PDZRN4: variants seen among roughly 807,000 people sequenced by gnomAD.
PDZRN4 encodes the protein PDZ domain-containing RING finger protein 4.
In PDZRN4, 70 loss-of-function variants were observed where a neutral mutation model predicts 99.0. The ratio of observed to expected loss-of-function variants is 0.71; its 90% CI spans 0.58 to 0.86. The LOEUF (loss-of-function observed/expected upper bound fraction) is 0.86. Among genes scored for constraint, PDZRN4 ranks in the 40% least tolerant of loss-of-function variants. The probability of loss-of-function intolerance (pLI) is 0.00; values close to 1 mark genes in which losing one functional copy is unlikely to be tolerated. For missense variants in PDZRN4, 1,474 were observed against 1,331.2 expected (o/e 1.11, Z -1.67); for synonymous variants, 551 against 501.6 (o/e 1.10, Z -1.32).
intron 3 of PDZRN4, among the ~76,000 whole-genome samples, chr12:41,338,169 A>T: frequency 6.6e-6 from 1 of 152,154 alleles, no homozygotes; most frequent in African/African-American, 2.4e-5. Flanking sequence ...TAAGTATGCG[A>T]CTATAGTATA....
At chr12:41,522,681 G>A (rs897907221) in intron 5 of PDZRN4, among the ~76,000 whole-genome samples, 1 of 152,112 alleles carries the variant, frequency 6.6e-6, no homozygotes, top group South Asian at 2.1e-4. Flanking sequence ...CAGATGTTGG[G>A]AAATTAGCTT....
chr12:41,470,982 A>T lies in PDZRN4; in HGVS notation c.844-35474A>T, dbSNP rs545909780. ...ATAAGGGAAAATGTACAATACAAAT[A>T]TGTAATAACACACATGAACACATAA... On this transcript the variant is annotated intron_variant, in intron 3 of 9. Transcript: ENST00000402685. 2.6e-5 allele frequency among the ~76,000 whole-genome samples: 4 copies of T among 152,330 alleles called. No homozygotes were observed. The South Asian group carries it at 8.3e-4, about 32-fold the overall frequency.
Position 41,188,665 on chromosome 12 carries a change from G to A in PDZRN4, c.210G>A (p.Leu70=). The change falls in exon 1 of 10, where the codon CTG becomes CTA. Residue 70 remains leucine, a synonymous_variant. Transcript: ENST00000402685. ...APGELYRVLP[L]RSLIQKLRVQ... ...GCGAGCTGTACCGGGTGCTGCCGCTGCGCAGCCTCATCCAGAAGCTGCGAG... is the reference window on the plus strand; with the variant it reads ...GCGAGCTGTACCGGGTGCTGCCGCTACGCAGCCTCATCCAGAAGCTGCGAG... 6.4e-7 allele frequency: 1 copy of A among 1,550,398 alleles called. No individual in the cohort carries two copies. The highest frequency in any genetic ancestry group is 8.7e-7 in the Non-Finnish European group (1 of 1,156,028).
intron 3 of PDZRN4, chr12:41,460,146 AC>A (rs1952857359): frequency 4.5e-6 from 5 of 1,114,300 alleles, no homozygotes; most frequent in Non-Finnish European, 5.9e-6. Context: ...TTTTACTGTT[AC>A]CTTTTTATGT....
intron 5 of PDZRN4, among the ~76,000 whole-genome samples, chr12:41,527,759 T>C (rs769483131): frequency 1.3e-5 from 2 of 152,114 alleles, no homozygotes; most frequent in Non-Finnish European, 2.9e-5. Context: ...CCTGTCAAAA[T>C]TGATAAGTGA....
At chr12:41,216,592 T>C (rs1950922476) in intron 3 of PDZRN4, among the ~76,000 whole-genome samples, 1 of 152,060 alleles carries the variant, frequency 6.6e-6, no homozygotes, top group Non-Finnish European at 1.5e-5. Flanking sequence ...TCATCAGATC[T>C]GAAAGCCTGC....
intron 3 of PDZRN4, among the ~76,000 whole-genome samples, chr12:41,247,371 A>G (rs1249659102): frequency 2.0e-5 from 3 of 152,204 alleles, no homozygotes; most frequent in Non-Finnish European, 4.4e-5. Context: ...ACTGAATCAC[A>G]ATCTTTGAAA....
At chr12:41,229,215 T>C (rs912159090) in intron 3 of PDZRN4, among the ~76,000 whole-genome samples, 2 of 151,602 alleles carry the variant, frequency 1.3e-5, no homozygotes, top group African/African-American at 2.4e-5. Flanking sequence ...ATAATGTGCC[T>C]GTTTAACTTA....
At chr12:41,203,383 G>A (rs192654023) in intron 3 of PDZRN4, among the ~76,000 whole-genome samples, 2 of 151,954 alleles carry the variant, frequency 1.3e-5, no homozygotes, top group Non-Finnish European at 2.9e-5. Context: ...AGTCAGAGAG[G>A]GATTAGGAGG....
At chr12:41,348,326 T>A (rs1436909878) in intron 3 of PDZRN4, among the ~76,000 whole-genome samples, 2 of 152,070 alleles carry the variant, frequency 1.3e-5, no homozygotes, top group Admixed American at 1.3e-4. Context: ...ATCTGCTAAG[T>A]CAAGATAATT....
chr12:41,288,326 G>C (rs1208576457), intron 3 of PDZRN4, among the ~76,000 whole-genome samples: 3 of 152,132 alleles, frequency 2.0e-5, no homozygotes, highest in Admixed American at 1.3e-4. Context: ...TGAAAGAATA[G>C]TATGCCATAC....
chr12:41,497,529 C>T (rs1359429784), intron 3 of PDZRN4, among the ~76,000 whole-genome samples: 1 of 151,902 alleles, frequency 6.6e-6, no homozygotes, highest in East Asian at 1.9e-4. Context: ...AGTTGTTAGC[C>T]AACCATTTCA....
At chr12:41,448,458 C>G (rs1007169192) in intron 3 of PDZRN4, among the ~76,000 whole-genome samples, 1 of 151,998 alleles carries the variant, frequency 6.6e-6, no homozygotes, top group Admixed American at 6.6e-5. Context: ...CAATGATTCT[C>G]TTCCATCATG....
chr12:41,293,532 C>A (rs982533413), intron 3 of PDZRN4, among the ~76,000 whole-genome samples: 1 of 151,964 alleles, frequency 6.6e-6, no homozygotes, highest in Non-Finnish European at 1.5e-5. Context: ...AAAGTGCCAG[C>A]AGTTTGGCAG....
intron 3 of PDZRN4, among the ~76,000 whole-genome samples, chr12:41,442,436 T>G (rs1380567081): frequency 6.6e-6 from 1 of 152,136 alleles, no homozygotes; most frequent in African/African-American, 2.4e-5. Flanking sequence ...TATAGTCAAT[T>G]CTGTATGAGT....
chr12:41,523,415 G>T (rs1164011406), intron 5 of PDZRN4, among the ~76,000 whole-genome samples: 1 of 152,138 alleles, frequency 6.6e-6, no homozygotes, highest in Non-Finnish European at 1.5e-5. Context: ...CTAGAAAGTA[G>T]ATGGACACAT....
chr12:41,357,654 G>C (rs1378799021), intron 3 of PDZRN4, among the ~76,000 whole-genome samples: 3 of 151,940 alleles, frequency 2.0e-5, no homozygotes, highest in African/African-American at 4.8e-5. Context: ...ACTGTACCTA[G>C]TATTTAATGA....
intron 5 of PDZRN4, among the ~76,000 whole-genome samples, chr12:41,510,815 T>C (rs1003897227): frequency 6.6e-6 from 1 of 152,098 alleles, no homozygotes; most frequent in Non-Finnish European, 1.5e-5. Context: ...TTGTTTGAAA[T>C]CTTCTCCCCA....
At chr12:41,513,269 G>T (rs909848787) in intron 5 of PDZRN4, among the ~76,000 whole-genome samples, 1 of 152,068 alleles carries the variant, frequency 6.6e-6, no homozygotes, top group African/African-American at 2.4e-5. Flanking sequence ...CAGTGTCCAT[G>T]TTATGGTGAC....
Sources: allele counts gnomAD v4.1 joint callset (sites outside exome capture counted in the v4.1 genomes callset), GRCh38; gene constraint gnomAD v4.1.1; transcripts MANE v1.5; gene names NCBI Gene and HGNC (gene_info 2026-07-23, HGNC 2026-07-21).